XRRA1: variants seen among roughly 807,000 people sequenced by gnomAD.
XRRA1 encodes X-ray radiation resistance-associated protein 1.
Under a neutral mutation model 80.2 loss-of-function variants are expected in XRRA1, and 69 were observed. The observed-to-expected ratio is 0.86, with a 90% CI of 0.71 to 1.05. The LOEUF (loss-of-function observed/expected upper bound fraction) is 1.05. Among genes scored for constraint, XRRA1 ranks in the 50% least tolerant of loss-of-function variants. The probability of loss-of-function intolerance (pLI) is 0.00; values close to 1 mark genes in which losing one functional copy is unlikely to be tolerated. For missense variants in XRRA1, 967 were observed against 976.4 expected (o/e 0.99, Z 0.13); for synonymous variants, 348 against 389.9 (o/e 0.89, Z 1.27).
intron 10 of XRRA1, among the ~76,000 whole-genome samples, chr11:74,885,299 G>T (rs1054916199): frequency 1.3e-5 from 2 of 151,934 alleles, no homozygotes; most frequent in Non-Finnish European, 2.9e-5. Context: ...TACAGGAGTT[G>T]TTTTTTTGAA....
chr11:74,856,088 C>T (rs745730950), intron 12 of XRRA1, among the ~76,000 whole-genome samples: 2 of 152,180 alleles, frequency 1.3e-5, no homozygotes, highest in Non-Finnish European at 1.5e-5. Context: ...GCCAAGATCG[C>T]ACCACTGCAC....
chr11:74,879,603 G>C (rs2136594671), intron 10 of XRRA1, among the ~76,000 whole-genome samples: 1 of 152,174 alleles, frequency 6.6e-6, no homozygotes, highest in Non-Finnish European at 1.5e-5. Flanking sequence ...CTGTGGGTTT[G>C]TCATAGATAG....
chr11:74,878,284 T>C (rs1487949814), intron 10 of XRRA1, among the ~76,000 whole-genome samples: 8 of 151,928 alleles, frequency 5.3e-5, no homozygotes, highest in African/African-American at 1.9e-4. Flanking sequence ...TCTGTTCATA[T>C]CCTTTGCCCA....
At chr11:74,932,350 G>A (rs973848767) in intron 5 of XRRA1, among the ~76,000 whole-genome samples, 4 of 152,134 alleles carry the variant, frequency 2.6e-5, no homozygotes, top group Admixed American at 2.6e-4. Flanking sequence ...GCTGAGTCAG[G>A]GGCCTGTCCT....
At chr11:74,912,942 A>T (rs1324157900) in intron 8 of XRRA1, among the ~76,000 whole-genome samples, 3 of 152,230 alleles carry the variant, frequency 2.0e-5, no homozygotes, top group Admixed American at 2.0e-4. Context: ...AAGGATTACT[A>T]GACAGTGTCT....
chr11:74,859,595 T>TC lies in XRRA1; in HGVS notation c.1045-313dup. Among the ~76,000 whole-genome samples, 2 of 151,924 alleles carry TC rather than the reference T, an allele frequency of 1.3e-5. 1 individual carries two copies. The highest frequency in any genetic ancestry group is 2.9e-5 in the Non-Finnish European group (2 of 67,964). ...TCAGAGGTACTTGGTCCCCACCCCC[T>TC]CCCTCTACCCTACAGCAGCTTACCC... is the stretch of plus-strand genomic sequence containing the variant. On this transcript the variant is annotated intron_variant, in intron 11 of 18. Transcript: ENST00000684022.
chr11:74,902,907 A>G (rs980460928), intron 10 of XRRA1, among the ~76,000 whole-genome samples: 2 of 152,232 alleles, frequency 1.3e-5, no homozygotes, highest in Non-Finnish European at 2.9e-5. Context: ...TACATTTAAA[A>G]ATAACTAAAA....
At chr11:74,939,132 A>C (rs1293925986) in intron 3 of XRRA1, among the ~76,000 whole-genome samples, 1 of 152,098 alleles carries the variant, frequency 6.6e-6, no homozygotes. Flanking sequence ...CGGGTGGATC[A>C]CTTGAGGTCA....
chr11:74,907,321 T>A (rs1305009029), intron 8 of XRRA1, 48 bp from the exon 9 acceptor site: 3 of 1,607,636 alleles, frequency 1.9e-6, no homozygotes. Context: ...AGGGACAAAT[T>A]CCACCATTCC....
intron 2 of XRRA1, among the ~76,000 whole-genome samples, chr11:74,943,524 GGTGTGTGT>G (rs67590742): frequency 0.036 from 4,940 of 137,830 alleles, 174 homozygotes; most frequent in African/African-American, 0.089. Context: ...AGAGTAGGAG[GGTGTGTGT>G]GTGTGTGTGT....
chr11:74,888,581 G>A (rs1251946126), intron 10 of XRRA1, among the ~76,000 whole-genome samples: 2 of 152,216 alleles, frequency 1.3e-5, no homozygotes, highest in African/African-American at 2.4e-5. Context: ...TGACTTTGAC[G>A]AGTTGAGAGA....
chr11:74,922,654 A>G (rs137964346), intron 7 of XRRA1, among the ~76,000 whole-genome samples: 43 of 152,334 alleles, frequency 2.8e-4, no homozygotes, highest in Middle Eastern at 3.4e-3. Flanking sequence ...CCACATCAGT[A>G]TTACATAGTC....
Position 74,845,066 on chromosome 11 carries a change from C to T in XRRA1, c.1927+7G>A, listed in dbSNP as rs757540166. On this transcript the variant is annotated splice_region_variant and intron_variant, in intron 16 of 18. Coordinates refer to ENST00000684022, the MANE Select transcript of XRRA1 (RefSeq NM_001378157.1). ...TTGCCCTAGAGCAAGGATATGCCCT[C>T]ACATACCCTTTGGCTCAATGAAGGC... is the stretch of plus-strand genomic sequence containing the variant. The T allele has an allele frequency of 5.1e-5, 82 of 1,612,356 alleles. No homozygotes were observed. The highest frequency in any genetic ancestry group is 2.0e-4 in the Admixed American group (12 of 60,016).
At chr11:74,932,806 C>G (rs892739033) in intron 5 of XRRA1, among the ~76,000 whole-genome samples, 5 of 152,166 alleles carry the variant, frequency 3.3e-5, no homozygotes, top group Non-Finnish European at 7.3e-5. Context: ...CTAAGTAACT[C>G]AATTCTGAAA....
At chr11:74,893,158 A>G (rs563514078) in intron 10 of XRRA1, among the ~76,000 whole-genome samples, 148 of 152,316 alleles carry the variant, frequency 9.7e-4, no homozygotes, top group African/African-American at 3.2e-3. Context: ...AACCAACCCA[A>G]ATGTCCAACA....
Position 74,859,257 on chromosome 11 carries a change from G to A in XRRA1, c.1071C>T (p.Pro357=), listed in dbSNP as rs1490957114. Residue 357 remains proline, a synonymous_variant, in exon 12 of 19, where the codon CCC becomes CCT. Transcript: ENST00000684022. ...ACTTCACAGGAAGGATCTCGAATAT[G>A]GGAGGAAGTGAACATATCTTGGTTG... ...SETTKICSLP[P]IFEILPVKSL... The A allele has an allele frequency of 6.2e-7, 1 of 1,608,610 alleles. No individual in the cohort carries two copies. The highest frequency in any genetic ancestry group is 8.5e-7 in the Non-Finnish European group (1 of 1,178,074).
chr11:74,849,240 T>C (rs1194280663), intron 14 of XRRA1, among the ~76,000 whole-genome samples: 5 of 152,144 alleles, frequency 3.3e-5, no homozygotes, highest in East Asian at 1.9e-4. Context: ...AGTGGAAAGA[T>C]TGCAAGCACT....
intron 10 of XRRA1, among the ~76,000 whole-genome samples, chr11:74,869,028 A>G (rs2044143796): frequency 6.6e-6 from 1 of 152,162 alleles, no homozygotes; most frequent in Admixed American, 6.5e-5. Flanking sequence ...ACTCCACCCC[A>G]AAACAACAGA....
At chr11:74,878,499 T>C (rs1339214596) in intron 10 of XRRA1, among the ~76,000 whole-genome samples, 4 of 152,236 alleles carry the variant, frequency 2.6e-5, no homozygotes, top group Admixed American at 6.5e-5. Flanking sequence ...TGGCTTTTGT[T>C]GCCATTGCTT....
Sources: gnomAD v4.1 joint callset for allele counts (sites outside exome capture counted in the v4.1 genomes callset) on GRCh38, gnomAD v4.1.1 for gene constraint, MANE v1.5 for transcripts, NCBI Gene and HGNC (gene_info 2026-07-23, HGNC 2026-07-21) for gene names.